GXYLT2: variants seen among roughly 807,000 people sequenced by gnomAD.
GXYLT2 encodes the protein glucoside xylosyltransferase 2.
A neutral mutation model predicts 45.8 loss-of-function variants in GXYLT2; 53 were observed. That is an observed-to-expected ratio of 1.16 (90% confidence interval 0.93 to 1.46). GXYLT2 has a LOEUF of 1.46. Ranked by LOEUF, GXYLT2 falls within the 40% of genes most tolerant of loss-of-function variation. The pLI is 0.00. For synonymous variants in GXYLT2, 219 were observed against 214.2 expected, an observed-to-expected ratio of 1.02 and a Z score of -0.19; for missense variants, 551 against 544.4, an observed-to-expected ratio of 1.01 and a Z score of -0.12.
intron 1 of GXYLT2, among the ~76,000 whole-genome samples, chr3:72,901,554 CTTTTTTTTTT>C (rs71124002): frequency 1.3e-5 from 1 of 77,170 alleles, no homozygotes; most frequent in Non-Finnish European, 2.3e-5. Context: ...AACATTTTCG[CTTTTTTTTTT>C]TTTTTTTTTT....
At chr3:72,956,350 A>G (rs891477777) in intron 4 of GXYLT2, among the ~76,000 whole-genome samples, 3 of 152,236 alleles carry the variant, frequency 2.0e-5, no homozygotes, top group Non-Finnish European at 4.4e-5. Context: ...ATATGGAAGA[A>G]GAATATTTTT....
At chr3:72,939,405 A>C (rs1201924169) in intron 3 of GXYLT2, among the ~76,000 whole-genome samples, 1 of 152,066 alleles carries the variant, frequency 6.6e-6, no homozygotes, top group Non-Finnish European at 1.5e-5. Context: ...ACTGCACTCC[A>C]GCCTGGGTGA....
At chr3:72,903,197 C>T (rs1709439429) in intron 1 of GXYLT2, among the ~76,000 whole-genome samples, 1 of 152,166 alleles carries the variant, frequency 6.6e-6, no homozygotes, top group African/African-American at 2.4e-5. Flanking sequence ...TGCATCACCC[C>T]ATTGGAATAC....
intron 3 of GXYLT2, among the ~76,000 whole-genome samples, chr3:72,939,407 C>T (rs1710256029): frequency 6.6e-6 from 1 of 152,018 alleles, no homozygotes; most frequent in Non-Finnish European, 1.5e-5. Context: ...TGCACTCCAG[C>T]CTGGGTGACA....
chr3:72,971,270 G>A (rs1388174799), intron 6 of GXYLT2, among the ~76,000 whole-genome samples: 1 of 152,164 alleles, frequency 6.6e-6, no homozygotes, highest in Admixed American at 6.6e-5. Context: ...TACACTCCAT[G>A]ATTTTCCTCA....
At chr3:72,908,617 G>C in intron 2 of GXYLT2, 58 bp downstream of exon 2, 1 of 1,324,886 alleles carries the variant, frequency 7.5e-7, no homozygotes, top group African/African-American at 1.5e-5. Context: ...CTACATTTTA[G>C]GAACTGCATA....
At chr3:72,949,684 C>T (rs11924957) in intron 3 of GXYLT2, among the ~76,000 whole-genome samples, 17,402 of 151,424 alleles carry the variant, frequency 0.11, 1,269 homozygotes, top group African/African-American at 0.21. Flanking sequence ...GCCAACTTTT[C>T]TTGTATTTTT....
chr3:72,912,301 T>G (rs972056804), intron 2 of GXYLT2, among the ~76,000 whole-genome samples: 4 of 152,030 alleles, frequency 2.6e-5, no homozygotes. Flanking sequence ...TGAGTCACTG[T>G]GCCCAGCACT....
At chr3:72,944,380 G>A (rs886668643) in intron 3 of GXYLT2, among the ~76,000 whole-genome samples, 3 of 151,154 alleles carry the variant, frequency 2.0e-5, no homozygotes, top group South Asian at 2.1e-4. Flanking sequence ...TCAGCCTCCC[G>A]AGTAGCTGGG....
chr3:72,899,547 T>C (rs557414347), intron 1 of GXYLT2, among the ~76,000 whole-genome samples: 2 of 152,258 alleles, frequency 1.3e-5, no homozygotes, highest in African/African-American at 4.8e-5. Flanking sequence ...GAGCGAAGAG[T>C]CTAATCATGA....
chr3:72,970,899 G>C (rs776604582), intron 6 of GXYLT2, among the ~76,000 whole-genome samples: 3 of 152,170 alleles, frequency 2.0e-5, no homozygotes, highest in South Asian at 2.1e-4. Context: ...GTTGACTTCT[G>C]TACAGGGAAA....
At chr3:72,966,447 T>C (rs1373637984) in intron 5 of GXYLT2, among the ~76,000 whole-genome samples, 3 of 145,604 alleles carry the variant, frequency 2.1e-5, no homozygotes, top group African/African-American at 7.6e-5. Context: ...TTGACATTTT[T>C]TTGTGTGTAT....
chr3:72,964,910 G>T (rs1018914636), intron 5 of GXYLT2, among the ~76,000 whole-genome samples: 1 of 152,198 alleles, frequency 6.6e-6, no homozygotes, highest in Non-Finnish European at 1.5e-5. Context: ...GTGACAAAAG[G>T]AAGCAGTTGG....
intron 5 of GXYLT2, among the ~76,000 whole-genome samples, chr3:72,958,908 A>T (rs1306381411): frequency 6.6e-6 from 1 of 150,840 alleles, no homozygotes; most frequent in Middle Eastern, 3.2e-3. Flanking sequence ...CTGGGATTGT[A>T]GGCATCAGCC....
At chr3:72,970,029 G>A (rs2322697) in intron 6 of GXYLT2, among the ~76,000 whole-genome samples, 1 of 151,428 alleles carries the variant, frequency 6.6e-6, no homozygotes, top group African/African-American at 2.4e-5. Context: ...GGTCAGCGCA[G>A]CCAACATAGT....
rs540042990 is a variant in GXYLT2, at chr3:72,944,196, T to C, written c.601-10902T>C. 6.8e-4 allele frequency among the ~76,000 whole-genome samples: 104 copies of C among 151,860 alleles called. 1 individual carries two copies. The highest frequency in any genetic ancestry group is 2.4e-3 in the African/African-American group (100 of 41,396). ...TCAACCTCCTGGGTTCAAGCAATCC[T>C]CCTGCCTCAGCCTCCCAAGTAGCTA... On this transcript the variant is annotated intron_variant, in intron 3 of 6. Coordinates refer to ENST00000389617, the MANE Select transcript of GXYLT2 (RefSeq NM_001080393.2).
At chr3:72,939,399 C>T (rs1710255138) in intron 3 of GXYLT2, among the ~76,000 whole-genome samples, 1 of 152,082 alleles carries the variant, frequency 6.6e-6, no homozygotes, top group South Asian at 2.1e-4. Context: ...CACACCACTG[C>T]ACTCCAGCCT....
At chr3:72,895,720 C>T (rs895007863) in intron 1 of GXYLT2, among the ~76,000 whole-genome samples, 3 of 152,138 alleles carry the variant, frequency 2.0e-5, no homozygotes, top group Non-Finnish European at 4.4e-5. Flanking sequence ...AAATATTCCC[C>T]AGCATTTATT....
chr3:72,906,344 C>T (rs1709510080), intron 1 of GXYLT2, among the ~76,000 whole-genome samples: 1 of 152,144 alleles, frequency 6.6e-6, no homozygotes, highest in South Asian at 2.1e-4. Flanking sequence ...TCGCTACCTC[C>T]CCTCCTGCAG....
Sources: allele counts gnomAD v4.1 joint callset (sites outside exome capture counted in the v4.1 genomes callset), GRCh38; gene constraint gnomAD v4.1.1; transcripts MANE v1.5; gene names NCBI Gene and HGNC (gene_info 2026-07-23, HGNC 2026-07-21).